Variants in USP54 observed in about 807,000 individuals in gnomAD.
USP54 encodes the protein ubiquitin carboxyl-terminal hydrolase 54.
USP54 carries 87 observed loss-of-function variants against 170.5 expected under a neutral mutation model. The ratio of observed to expected loss-of-function variants is 0.51; its 90% CI spans 0.43 to 0.61. The LOEUF (loss-of-function observed/expected upper bound fraction) is 0.61, where lower values mean the gene tolerates loss of function less well. USP54 is among the 20% of genes least tolerant of loss of function. USP54 has a pLI of 0.00. For missense variants in USP54, 1,786 were observed against 2,047.8 expected, an observed-to-expected ratio of 0.87 and a Z score of 2.47; for synonymous variants, 655 against 742.8, an observed-to-expected ratio of 0.88 and a Z score of 1.92.
chr10:73,498,720 C>T lies in USP54; in HGVS notation c.4964G>A (p.Arg1655Lys). ...AAACAGAAACCCCTCTCCCACTGTT[C>T]TCCTGTGTCCAGAGTGGGAGGCATA... Reference protein sequence around the residue: ...SSYASHSGHRRTVGEGFLFVL... With the variant: ...SSYASHSGHRKTVGEGFLFVL... Residue 1655 changes from arginine (R) to lysine (K), a missense_variant, in exon 24 of 24, where the codon AGA becomes AAA. Physicochemically the swap from Arg to Lys is conservative, Grantham distance 26. Around this residue, in one of 3 missense-constraint regions of USP54, gnomAD observed 1,418 missense variants for 1,569.0 expected, o/e 0.90. Transcript: ENST00000687698. 1 of 1,613,290 alleles carries T rather than the reference C, an allele frequency of 6.2e-7. No individual in the cohort carries two copies. The highest frequency in any genetic ancestry group is 8.5e-7 in the Non-Finnish European group (1 of 1,179,514).
intron 1 of USP54, chr10:73,606,541 AT>A (rs1355082354): frequency 2.6e-5 from 4 of 152,204 alleles, no homozygotes; most frequent in African/African-American, 9.7e-5. Flanking sequence ...TGCTTTTCTC[AT>A]TTCAAAAAAC....
intron 4 of USP54, among the ~76,000 whole-genome samples, chr10:73,557,611 G>A (rs1027032948): frequency 8.6e-5 from 13 of 151,350 alleles, no homozygotes; most frequent in Admixed American, 4.0e-4. Flanking sequence ...TCAGCCTCCC[G>A]AGTAGCTGGG....
At chr10:73,596,026 G>A (rs754006121), upstream of USP54, among the ~76,000 whole-genome samples, 4 of 151,126 alleles carry the variant, frequency 2.6e-5, no homozygotes, top group African/African-American at 9.7e-5. Context: ...CAGGAGAATC[G>A]CTTGAACCCA....
intron 1 of USP54, among the ~76,000 whole-genome samples, chr10:73,618,187 G>A (rs2080805099): frequency 6.7e-6 from 1 of 150,132 alleles, no homozygotes; most frequent in Non-Finnish European, 1.5e-5. Flanking sequence ...CTCCAGCCTG[G>A]GTGACACAGC....
intron 1 of USP54, among the ~76,000 whole-genome samples, chr10:73,582,592 T>C (rs1028375126): frequency 2.0e-5 from 3 of 152,174 alleles, no homozygotes; most frequent in Non-Finnish European, 4.4e-5. Context: ...AGTTTCGCCA[T>C]GTTGGCCAGG....
At chr10:73,520,811 CA>C in intron 18 of USP54, 96 bp downstream of exon 18, 1 of 1,560,280 alleles carries the variant, frequency 6.4e-7, no homozygotes, top group Non-Finnish European at 8.7e-7. Context: ...TGAGGAGACA[CA>C]AAAACTGTTT....
intron 9 of USP54, among the ~76,000 whole-genome samples, 170 bp downstream of exon 9, chr10:73,541,205 T>C (rs530507166): frequency 2.3e-4 from 35 of 152,224 alleles, no homozygotes; most frequent in Non-Finnish European, 4.3e-4. Context: ...AAAGGAGGTA[T>C]ATGAGCACAT....
At chr10:73,519,671 G>C in intron 19 of USP54, 126 bp downstream of exon 19, 1 of 1,427,132 alleles carries the variant, frequency 7.0e-7, no homozygotes, top group South Asian at 1.3e-5. Context: ...CCTGAAAGAA[G>C]AAAATCTTTT....
rs918978963 is a variant in USP54, at chr10:73,619,270, C to T, written c.-18+6297G>A. On this transcript the variant is annotated intron_variant, in intron 1 of 22. Transcript: ENST00000339859. Reference sequence around the variant, plus strand: ...TGAGACAGAGTGTCTGTTAGTTACTCAGCCTGGAGCGCAGTAGTGGAATCA... The same window carrying T: ...TGAGACAGAGTGTCTGTTAGTTACTTAGCCTGGAGCGCAGTAGTGGAATCA... Among the ~76,000 whole-genome samples, 3 of 150,110 alleles carry T rather than the reference C, an allele frequency of 2.0e-5. 1 individual carries two copies. The highest frequency in any genetic ancestry group is 5.1e-5 in the African/African-American group (2 of 39,572).
chr10:73,503,946 C>T (rs914449691), intron 22 of USP54, among the ~76,000 whole-genome samples: 19 of 152,174 alleles, frequency 1.2e-4, no homozygotes, highest in Non-Finnish European at 7.4e-5. Context: ...GAACTCCTGA[C>T]CTCAGGTGAT....
At chr10:73,620,927 G>A (rs1051617804) in intron 1 of USP54, among the ~76,000 whole-genome samples, 2 of 150,260 alleles carry the variant, frequency 1.3e-5, no homozygotes, top group Non-Finnish European at 2.9e-5. Flanking sequence ...AGGCTGAGGC[G>A]GGTGGATCGC....
rs1020764123 is a variant in USP54, at chr10:73,498,943, C to T, written c.4741G>A (p.Val1581Ile). The change falls in exon 24 of 24, where the codon GTT becomes ATT. Residue 1581 changes from valine to isoleucine, a missense_variant. Around this residue, in one of 3 missense-constraint regions of USP54, gnomAD observed 1,418 missense variants for 1,569.0 expected, o/e 0.90. Transcript: ENST00000687698. ...TLPERSKGLQ[V>I]PHTQSWSDLF... ...TCACTCCAGGACTGAGTGTGAGGAA[C>T]CTGAAGGCCCTTGCTTCTTTCTGGT... 1 of 1,614,108 alleles carries T rather than the reference C, an allele frequency of 6.2e-7. No individual in the cohort carries two copies. Among genetic ancestry groups the T allele is most frequent in the Admixed American group, 1.7e-5 (1 of 60,024 alleles).
intron 1 of USP54, chr10:73,611,578 A>G (rs2080146797): frequency 6.6e-6 from 1 of 150,666 alleles, no homozygotes. Context: ...ATCCCTTGAC[A>G]TCAGGAGTTC....
At position 73,503,919 on chromosome 10, in the gene USP54, T is replaced by C. The variant is rs139097909; in HGVS notation, c.4311+931A>G. ...GGCTAATTTTTATATTTTTGCCATG[T>C]TGGCCAGGCTGGTCTCGAACTCCTG... On this transcript the variant is annotated intron_variant, in intron 22 of 23. Transcript: ENST00000687698. 6.0e-3 allele frequency among the ~76,000 whole-genome samples: 912 copies of C among 152,212 alleles called. 10 individuals are homozygous for C. The highest frequency in any genetic ancestry group is 0.02 in the African/African-American group (839 of 41,536).
chr10:73,539,930 A>G (rs2133493851), intron 9 of USP54, among the ~76,000 whole-genome samples: 1 of 151,854 alleles, frequency 6.6e-6, no homozygotes, highest in African/African-American at 2.4e-5. Context: ...ATTCGAGACC[A>G]GCCTGGCCAA....
At chr10:73,566,976 A>G (rs934718111) in intron 4 of USP54, among the ~76,000 whole-genome samples, 1 of 151,892 alleles carries the variant, frequency 6.6e-6, no homozygotes, top group African/African-American at 2.4e-5. Context: ...TCCCGGGTTC[A>G]AGTGATTCTC....
intron 4 of USP54, among the ~76,000 whole-genome samples, chr10:73,566,293 A>G (rs2073785749): frequency 6.6e-6 from 1 of 152,200 alleles, no homozygotes; most frequent in Admixed American, 6.5e-5. Flanking sequence ...ACACACAACA[A>G]TGTAGATGCT....
intron 1 of USP54, among the ~76,000 whole-genome samples, chr10:73,577,842 C>CA: frequency 6.6e-6 from 1 of 152,310 alleles, no homozygotes; most frequent in African/African-American, 2.4e-5. Flanking sequence ...ATCTCCCACA[C>CA]AGACTATAAG....
intron 5 of USP54, among the ~76,000 whole-genome samples, 189 bp downstream of exon 5, chr10:73,545,349 G>T (rs898343051): frequency 1.3e-5 from 2 of 152,136 alleles, no homozygotes; most frequent in African/African-American, 4.8e-5. Context: ...AAAACCACCA[G>T]CCTAAAGGAA....
Sources: allele counts gnomAD v4.1 joint callset (sites outside exome capture counted in the v4.1 genomes callset), GRCh38; gene constraint gnomAD v4.1.1; regional missense constraint gnomAD v4.1.1; transcripts MANE v1.5; gene names NCBI Gene and HGNC (gene_info 2026-07-23, HGNC 2026-07-21).